RYR3: variants seen among roughly 807,000 people sequenced by gnomAD.
The protein encoded by RYR3 is brain ryanodine receptor-calcium release channel.
A neutral mutation model predicts 584.3 loss-of-function variants in RYR3; 207 were observed. The observed-to-expected ratio is 0.35, with a 90% CI of 0.32 to 0.40. RYR3 has a LOEUF of 0.40. Ranked by LOEUF, RYR3 falls within the 10% of genes least tolerant of loss-of-function variation. The probability of loss-of-function intolerance (pLI) is 1.00; values close to 1 mark genes in which losing one functional copy is unlikely to be tolerated. For missense variants in RYR3, 5,616 were observed against 6,089.2 expected (o/e 0.92, Z 2.59); for synonymous variants, 2,416 against 2,248.5 (o/e 1.07, Z -2.11).
chr15:33,739,240 A>G (rs2069820712), intron 50 of RYR3, among the ~76,000 whole-genome samples: 1 of 152,238 alleles, frequency 6.6e-6, no homozygotes, highest in Admixed American at 6.5e-5. Context: ...GAACATGCAC[A>G]TAGCTTGTTC....
chr15:33,614,861 A>G (rs1430837090), intron 19 of RYR3, among the ~76,000 whole-genome samples: 4 of 152,116 alleles, frequency 2.6e-5, no homozygotes, highest in Non-Finnish European at 4.4e-5. Context: ...GGAGGAACTC[A>G]TAATAGTACC....
At chr15:33,377,777 G>GT (rs1298097524) in intron 1 of RYR3, among the ~76,000 whole-genome samples, 1 of 152,068 alleles carries the variant, frequency 6.6e-6, no homozygotes, top group African/African-American at 2.4e-5. Flanking sequence ...TTTTAAAAAC[G>GT]TAAGTTCTAG....
intron 2 of RYR3, among the ~76,000 whole-genome samples, chr15:33,484,716 G>A (rs964089846): frequency 6.6e-6 from 1 of 152,144 alleles, no homozygotes; most frequent in Non-Finnish European, 1.5e-5. Context: ...CCTGTAACTG[G>A]CTGACATATC....
rs149693712 is a variant in RYR3, at chr15:33,512,760, A to G, written c.279+9022A>G. Reference sequence around the variant, plus strand: ...CTGCTTCTCCATGGCTGGACTAAATATATTTGTTGGTGGTGGTGGTTGTTT... The same window carrying G: ...CTGCTTCTCCATGGCTGGACTAAATGTATTTGTTGGTGGTGGTGGTTGTTT... On this transcript the variant is annotated intron_variant, in intron 3 of 103. Coordinates refer to ENST00000634891, the MANE Select transcript of RYR3 (RefSeq NM_001036.6). Among the ~76,000 whole-genome samples, 15 of 152,248 alleles carry G rather than the reference A, an allele frequency of 9.9e-5. No homozygotes were observed. In the East Asian group the frequency reaches 2.1e-3, roughly 22 times the overall value.
chr15:33,768,143 C>T (rs772977056), intron 60 of RYR3, among the ~76,000 whole-genome samples: 3 of 152,176 alleles, frequency 2.0e-5, no homozygotes, highest in Admixed American at 6.5e-5. Flanking sequence ...ATTCTTAAAA[C>T]GTTTTTGTTT....
At chr15:33,697,500 G>A (rs1471406007) in intron 39 of RYR3, among the ~76,000 whole-genome samples, 1 of 152,098 alleles carries the variant, frequency 6.6e-6, no homozygotes, top group East Asian at 1.9e-4. Flanking sequence ...TTTACTCTGT[G>A]AATTTATATT....
intron 86 of RYR3, among the ~76,000 whole-genome samples, chr15:33,831,809 A>G (rs1054159215): frequency 2.6e-5 from 4 of 152,176 alleles, no homozygotes; most frequent in Non-Finnish European, 5.9e-5. Flanking sequence ...AGCAAAAGTA[A>G]TACTTCATCT....
At chr15:33,852,564 C>CCAGACTGGAAACTGCATAAT (rs1289633534) in intron 94 of RYR3, 1 of 156,328 alleles carries the variant, frequency 6.4e-6, no homozygotes, top group Non-Finnish European at 1.4e-5. Flanking sequence ...AAGGTGATTC[C>CCAGACTGGAAACTGCATAAT]CAGACTGGAA....
At chr15:33,758,455 G>A (rs1224122611) in intron 60 of RYR3, among the ~76,000 whole-genome samples, 2 of 152,166 alleles carry the variant, frequency 1.3e-5, no homozygotes, top group Non-Finnish European at 2.9e-5. Context: ...GGCTTGGTTG[G>A]GGGAGGGGTG....
At chr15:33,503,386 A>G (rs2052175789) in intron 2 of RYR3, among the ~76,000 whole-genome samples, 1 of 152,210 alleles carries the variant, frequency 6.6e-6, no homozygotes. Context: ...ATGAACCACC[A>G]GCCTTCCCTC....
chr15:33,723,678 A>G (rs569624572), intron 44 of RYR3, among the ~76,000 whole-genome samples: 43 of 152,332 alleles, frequency 2.8e-4, no homozygotes, highest in African/African-American at 9.1e-4. Context: ...CTGAGGCCCA[A>G]GGTCATATAG....
intron 10 of RYR3, among the ~76,000 whole-genome samples, chr15:33,557,894 C>T (rs1462510267): frequency 2.0e-5 from 3 of 152,150 alleles, no homozygotes; most frequent in African/African-American, 4.8e-5. Context: ...GATTACTGCC[C>T]TTCAACACAT....
chr15:33,730,966 C>T (rs1429979328), intron 47 of RYR3, among the ~76,000 whole-genome samples: 1 of 152,196 alleles, frequency 6.6e-6, no homozygotes, highest in Non-Finnish European at 1.5e-5. Context: ...GTTCCACTTT[C>T]GCTTTCACAA....
chr15:33,418,356 G>A (rs189884542), intron 1 of RYR3, among the ~76,000 whole-genome samples: 28 of 150,110 alleles, frequency 1.9e-4, no homozygotes, highest in African/African-American at 4.9e-4. Context: ...TTATTGATTC[G>A]TCTTTTATTA....
intron 3 of RYR3, among the ~76,000 whole-genome samples, chr15:33,518,874 G>A (rs1039560296): frequency 6.6e-6 from 1 of 152,204 alleles, no homozygotes; most frequent in African/African-American, 2.4e-5. Context: ...TGCAGATACA[G>A]AGAGAAATGT....
chr15:33,657,223 T>C (rs932178343), intron 32 of RYR3, among the ~76,000 whole-genome samples: 2 of 152,174 alleles, frequency 1.3e-5, no homozygotes, highest in Non-Finnish European at 2.9e-5. Flanking sequence ...CTCAAAGCAC[T>C]TACTTTCTGC....
chr15:33,710,763 T>C (rs1463364091), intron 43 of RYR3, among the ~76,000 whole-genome samples: 1 of 152,240 alleles, frequency 6.6e-6, no homozygotes, highest in African/African-American at 2.4e-5. Flanking sequence ...ACATGGAAAC[T>C]GCCAAGAGTT....
intron 38 of RYR3, 66 bp from the exon 39 acceptor site, chr15:33,696,152 C>G: frequency 6.7e-7 from 1 of 1,494,558 alleles, no homozygotes; most frequent in Non-Finnish European, 9.1e-7. Context: ...CATGAAGTGG[C>G]TGAAACACCC....
chr15:33,475,182 T>G (rs1035842764), intron 2 of RYR3, among the ~76,000 whole-genome samples: 1 of 152,226 alleles, frequency 6.6e-6, no homozygotes, highest in African/African-American at 2.4e-5. Context: ...CAGTCACTCA[T>G]GTTTGCAATT....
Sources: gnomAD v4.1 joint callset for allele counts (sites outside exome capture counted in the v4.1 genomes callset) on GRCh38, gnomAD v4.1.1 for gene constraint, MANE v1.5 for transcripts, NCBI Gene and HGNC (gene_info 2026-07-23, HGNC 2026-07-21) for gene names.